The following NBAS variants were observed in gnomAD, a reference collection of about 807,000 sequenced individuals.
The protein encoded by NBAS is NAG/BC035112 fusion.
NBAS carries 219 observed loss-of-function variants against 302.5 expected under a neutral mutation model. The observed-to-expected ratio is 0.72, with a 90% CI of 0.65 to 0.81. The LOEUF (loss-of-function observed/expected upper bound fraction) is 0.81, where lower values mean the gene tolerates loss of function less well. NBAS is among the 30% of genes least tolerant of loss of function. The pLI is 0.00. For missense variants in NBAS, 2,932 were observed against 2,841.6 expected (o/e 1.03, Z -0.72); for synonymous variants, 1,118 against 1,021.6 (o/e 1.09, Z -1.80).
chr2:15,042,922 T>C, the NBAS span, among the ~76,000 whole-genome samples: 1 of 152,226 alleles, frequency 6.6e-6, no homozygotes, highest in South Asian at 2.1e-4. Flanking sequence ...TGGTTCCTGA[T>C]GCAACGACTT....
intron 48 of NBAS, among the ~76,000 whole-genome samples, chr2:15,206,671 A>G (rs1666160632): frequency 6.6e-6 from 1 of 152,188 alleles, no homozygotes; most frequent in South Asian, 2.1e-4. Context: ...CATTCCAGCC[A>G]CTCAGGCTCC....
chr2:14,962,796 AT>A, the NBAS span, among the ~76,000 whole-genome samples: 1 of 152,094 alleles, frequency 6.6e-6, no homozygotes, highest in South Asian at 2.1e-4. Flanking sequence ...ACAGGCCTGC[AT>A]TTTAGGACAC....
At chr2:15,398,831 T>C (rs942074200) in intron 26 of NBAS, among the ~76,000 whole-genome samples, 3 of 152,174 alleles carry the variant, frequency 2.0e-5, no homozygotes, top group East Asian at 3.8e-4. Context: ...ATTAGAAACA[T>C]GAAATGCAAT....
the NBAS span, among the ~76,000 whole-genome samples, chr2:14,962,251 G>T: frequency 6.6e-6 from 1 of 152,174 alleles, no homozygotes; most frequent in Non-Finnish European, 1.5e-5. Context: ...CTGGGACATG[G>T]GAGATTTGAA....
chr2:15,354,929 A>AT (rs1673539890), intron 33 of NBAS, among the ~76,000 whole-genome samples: 1 of 152,154 alleles, frequency 6.6e-6, no homozygotes, highest in African/African-American at 2.4e-5. Context: ...TTTAGCAAGG[A>AT]TCCCCTGCCC....
At chr2:15,434,190 T>C (rs1387334655) in intron 21 of NBAS, among the ~76,000 whole-genome samples, 2 of 152,124 alleles carry the variant, frequency 1.3e-5, no homozygotes, top group African/African-American at 4.8e-5. Context: ...GAAAGGCTGC[T>C]CTATACAAGA....
intron 45 of NBAS, among the ~76,000 whole-genome samples, chr2:15,237,587 T>C (rs889543180): frequency 6.7e-6 from 1 of 148,374 alleles, no homozygotes; most frequent in Non-Finnish European, 1.5e-5. Context: ...TATTTATTTA[T>C]TTATTTATTT....
chr2:15,459,946 T>A (rs2148557509), intron 21 of NBAS, among the ~76,000 whole-genome samples: 1 of 152,336 alleles, frequency 6.6e-6, no homozygotes, highest in South Asian at 2.1e-4. Flanking sequence ...CTACTGAACT[T>A]CTGTAAATCT....
intron 9 of NBAS, among the ~76,000 whole-genome samples, chr2:15,513,467 T>C (rs1043606512): frequency 6.6e-6 from 1 of 152,134 alleles, no homozygotes; most frequent in African/African-American, 2.4e-5. Context: ...CTAGTGCAGA[T>C]AAAATCATAT....
chr2:15,115,210 G>A, the NBAS span, among the ~76,000 whole-genome samples: 1 of 152,178 alleles, frequency 6.6e-6, no homozygotes, highest in Non-Finnish European at 1.5e-5. Context: ...ATTCACTCCA[G>A]AATCAGAGAG....
At chr2:15,228,289 A>G (rs868166305) in intron 47 of NBAS, among the ~76,000 whole-genome samples, 1 of 152,230 alleles carries the variant, frequency 6.6e-6, no homozygotes, top group South Asian at 2.1e-4. Flanking sequence ...AGGGAAATGC[A>G]ATCAAAATGA....
At chr2:15,348,183 C>T (rs959100187) in intron 35 of NBAS, among the ~76,000 whole-genome samples, 24 of 152,200 alleles carry the variant, frequency 1.6e-4, no homozygotes, top group African/African-American at 2.9e-4. Context: ...AAATCAAAGC[C>T]GTAATGCGTG....
chr2:15,547,406 G>A (rs1172757364), intron 6 of NBAS, among the ~76,000 whole-genome samples: 1 of 152,132 alleles, frequency 6.6e-6, no homozygotes, highest in African/African-American at 2.4e-5. Context: ...AGCCATTAAT[G>A]CAGTATTAAG....
At chr2:14,999,703 G>T in the NBAS span, among the ~76,000 whole-genome samples, 3,238 of 152,158 alleles carry the variant, frequency 0.021, 47 homozygotes, top group Middle Eastern at 0.058. Context: ...TCTTTTCTTT[G>T]TAAACTACCC....
chr2:15,077,355 G>T, the NBAS span, among the ~76,000 whole-genome samples: 69 of 152,332 alleles, frequency 4.5e-4, no homozygotes, highest in African/African-American at 1.7e-3. Context: ...TTCAAGATGA[G>T]ATGGGGGCAC....
intron 11 of NBAS, among the ~76,000 whole-genome samples, chr2:15,501,584 ATT>A (rs70961416): frequency 4.7e-5 from 5 of 107,218 alleles, no homozygotes; most frequent in Middle Eastern, 6.7e-3. Flanking sequence ...TGAACTAAAT[ATT>A]TTTTTTTTTT....
the NBAS span, among the ~76,000 whole-genome samples, chr2:15,026,552 T>C: frequency 6.6e-6 from 1 of 151,894 alleles, no homozygotes; most frequent in African/African-American, 2.4e-5. Flanking sequence ...ATTTATGTGA[T>C]GAATCACATT....
At chr2:15,086,980 C>A in the NBAS span, among the ~76,000 whole-genome samples, 1 of 152,134 alleles carries the variant, frequency 6.6e-6, no homozygotes, top group Non-Finnish European at 1.5e-5. Flanking sequence ...CTCCCCAACA[C>A]GCACACACAC....
chr2:15,239,584 A>G (rs1667768365), intron 44 of NBAS, among the ~76,000 whole-genome samples: 1 of 151,986 alleles, frequency 6.6e-6, no homozygotes, highest in Non-Finnish European at 1.5e-5. Context: ...GGCACTAAAA[A>G]AGTTTCAGAT....
Sources: gnomAD v4.1 joint callset for allele counts (sites outside exome capture counted in the v4.1 genomes callset) on GRCh38, gnomAD v4.1.1 for gene constraint, MANE v1.5 for transcripts, NCBI Gene and HGNC (gene_info 2026-07-23, HGNC 2026-07-21) for gene names.